The following SNRNP40 variants were observed in gnomAD, a reference collection of about 807,000 sequenced individuals.
SNRNP40 encodes U5 small nuclear ribonucleoprotein 40 kDa protein.
Under a neutral mutation model 45.8 loss-of-function variants are expected in SNRNP40, and 21 were observed. The ratio of observed to expected loss-of-function variants is 0.46; its 90% CI spans 0.32 to 0.66. The LOEUF (loss-of-function observed/expected upper bound fraction) is 0.66, where lower values mean the gene tolerates loss of function less well. Among genes scored for constraint, SNRNP40 ranks in the 30% least tolerant of loss-of-function variants. The probability of loss-of-function intolerance (pLI) is 0.03; values close to 1 mark genes in which losing one functional copy is unlikely to be tolerated. For missense variants in SNRNP40, 344 were observed against 439.1 expected (o/e 0.78, Z 1.94); for synonymous variants, 142 against 163.8 (o/e 0.87, Z 1.01).
At chr1:31,291,878 T>A (rs1311545170) in intron 3 of SNRNP40, 35 bp downstream of exon 3, 3 of 1,337,526 alleles carry the variant, frequency 2.2e-6, no homozygotes, top group Non-Finnish European at 3.2e-6. Context: ...AGAATTAGTA[T>A]GAGAAGCTGT....
intron 5 of SNRNP40, among the ~76,000 whole-genome samples, chr1:31,275,791 A>T (rs1645970274): frequency 1.3e-5 from 2 of 152,238 alleles, no homozygotes; most frequent in Admixed American, 1.3e-4. Flanking sequence ...GAGCAAAAAT[A>T]AAGAAATAAT....
intron 2 of SNRNP40, 48 bp downstream of exon 2, chr1:31,293,171 C>G (rs1376907590): frequency 1.9e-6 from 3 of 1,603,984 alleles, no homozygotes; most frequent in South Asian, 2.2e-5. Flanking sequence ...AAAAAAAAAT[C>G]ACTATCTGGC....
intron 4 of SNRNP40, 131 bp downstream of exon 4, chr1:31,289,123 T>C (rs1341862854): frequency 8.5e-6 from 6 of 706,418 alleles, no homozygotes; most frequent in Non-Finnish European, 1.4e-5. Context: ...TGGGGAAAAA[T>C]TTCAAGTGTG....
intron 6 of SNRNP40, among the ~76,000 whole-genome samples, chr1:31,270,894 G>A (rs1419197828): frequency 6.6e-6 from 1 of 152,136 alleles, no homozygotes; most frequent in African/African-American, 2.4e-5. Flanking sequence ...AAGAGAAAGA[G>A]CAAGAGTGTG....
At chr1:31,281,955 T>C (rs1646019331) in intron 4 of SNRNP40, 1 of 152,618 alleles carries the variant, frequency 6.6e-6, no homozygotes, top group East Asian at 1.9e-4. Flanking sequence ...AAGCAGCAAA[T>C]TAACCAGCAA....
Position 31,293,271 on chromosome 1 carries a change from C to G in SNRNP40, c.219G>C (p.Lys73Asn). The change falls in exon 2 of 10, where the codon AAG (lysine) becomes AAC (asparagine). Residue 73 changes from lysine (K) to asparagine (N), a missense_variant. Lys to Asn is a moderately conservative substitution (Grantham distance 94). This residue lies in a region of SNRNP40 where 254 missense variants were observed against 380.2 expected (regional missense o/e 0.67). Transcript: ENST00000263694. ...CTAAGGTGGATCCGTTGGGGTGGAACTTGCAGCAGTAGACTTCCCCTTCAT... is the reference window on the plus strand; with the variant it reads ...CTAAGGTGGATCCGTTGGGGTGGAAGTTGCAGCAGTAGACTTCCCCTTCAT... ...SGHEGEVYCCKFHPNGSTLAS... is the reference protein window; with the variant it reads ...SGHEGEVYCCNFHPNGSTLAS... 1 of 1,614,126 alleles carries G rather than the reference C, an allele frequency of 6.2e-7. No individual in the cohort carries two copies. Among genetic ancestry groups the G allele is most frequent in the East Asian group, 2.2e-5 (1 of 44,886 alleles).
At position 31,289,234 on chromosome 1, in the gene SNRNP40, C is replaced by A. The variant is rs372961892; in HGVS notation, c.531+20G>T. On this transcript the variant is annotated intron_variant, in intron 4 of 9. Transcript: ENST00000263694. ...CATCACATCACCTCAGAAACTGGAA[C>A]ACGGAGAGACAATACCCACCTTAAC... 46 of 1,610,668 alleles carry A rather than the reference C, an allele frequency of 2.9e-5. No individual in the cohort carries two copies. Among genetic ancestry groups the A allele is most frequent in the Non-Finnish European group, 3.8e-5 (45 of 1,177,886 alleles).
At chr1:31,294,811 G>A (rs957275404) in intron 1 of SNRNP40, among the ~76,000 whole-genome samples, 6 of 151,642 alleles carry the variant, frequency 4.0e-5, no homozygotes, top group Non-Finnish European at 8.8e-5. Context: ...GCATGGTGGC[G>A]GGCGCCTGTA....
intron 6 of SNRNP40, among the ~76,000 whole-genome samples, chr1:31,270,824 G>A (rs1168367239): frequency 6.6e-6 from 1 of 152,142 alleles, no homozygotes; most frequent in Non-Finnish European, 1.5e-5. Context: ...AATCCAGCAA[G>A]TCACCTTACT....
rs1193162685 is a variant in SNRNP40, at chr1:31,289,362, A to T, written c.423T>A (p.Gly141=). The change falls in exon 4 of 10, where the codon GGT becomes GGA. Residue 141 remains glycine, a synonymous_variant. Transcript: ENST00000263694. The part of the protein sequence containing the change: ...KTVAVWDSET[G]ERVKRLKGHT... Reference sequence around the variant, plus strand: ...GTCCCTTTAGCCTTTTAACCCTCTCACCTGTTTCACTATCCCACACAGCCA... The same window carrying T: ...GTCCCTTTAGCCTTTTAACCCTCTCTCCTGTTTCACTATCCCACACAGCCA... 6.2e-7 allele frequency: 1 copy of T among 1,613,824 alleles called. No homozygotes were observed. The highest frequency in any genetic ancestry group is 8.5e-7 in the Non-Finnish European group (1 of 1,179,838).
At chr1:31,291,549 T>A (rs776155412) in intron 3 of SNRNP40, among the ~76,000 whole-genome samples, 3 of 152,132 alleles carry the variant, frequency 2.0e-5, no homozygotes, top group African/African-American at 7.2e-5. Flanking sequence ...CATGGAGGCG[T>A]GGGCTTGTGG....
intron 6 of SNRNP40, chr1:31,269,543 C>T (rs150868418): frequency 4.0e-6 from 2 of 503,152 alleles, no homozygotes; most frequent in Admixed American, 4.2e-5. Context: ...AGATATTTTG[C>T]AAGATTTCTC....
At chr1:31,262,984 AGAGT>A (rs1435340328) in intron 8 of SNRNP40, among the ~76,000 whole-genome samples, 2 of 150,686 alleles carry the variant, frequency 1.3e-5, no homozygotes, top group Non-Finnish European at 3.0e-5. Context: ...CCTGGGTGAC[AGAGT>A]GAGATCCTGT....
chr1:31,267,508 CAAG>C (rs1012684021), intron 8 of SNRNP40, among the ~76,000 whole-genome samples: 26 of 152,118 alleles, frequency 1.7e-4, no homozygotes, highest in Non-Finnish European at 3.5e-4. Context: ...GTATAAAACA[CAAG>C]AAGACATCCT....
At chr1:31,264,122 A>G (rs1416006179) in intron 8 of SNRNP40, among the ~76,000 whole-genome samples, 1 of 152,140 alleles carries the variant, frequency 6.6e-6, no homozygotes, top group Non-Finnish European at 1.5e-5. Context: ...TGATCATAAA[A>G]ATGGTACATT....
At chr1:31,269,524 AT>A (rs1226645477) in intron 6 of SNRNP40, 5 of 579,224 alleles carry the variant, frequency 8.6e-6, no homozygotes, top group Non-Finnish European at 1.3e-5. Context: ...TGTGATACTA[AT>A]TTCAAAAAGA....
chr1:31,289,768 T>C (rs1032740985), intron 3 of SNRNP40, among the ~76,000 whole-genome samples: 1 of 152,238 alleles, frequency 6.6e-6, no homozygotes, highest in Non-Finnish European at 1.5e-5. Flanking sequence ...AATAACTCCC[T>C]GGTGCTGCAG....
intron 8 of SNRNP40, among the ~76,000 whole-genome samples, chr1:31,262,785 C>A (rs1351438452): frequency 6.6e-6 from 1 of 151,690 alleles, no homozygotes; most frequent in Non-Finnish European, 1.5e-5. Context: ...TTTGGGGGGC[C>A]AAGGCTTGAG....
intron 4 of SNRNP40, among the ~76,000 whole-genome samples, chr1:31,289,024 C>T (rs1362223385): frequency 6.6e-6 from 1 of 152,226 alleles, no homozygotes; most frequent in Admixed American, 6.5e-5. Context: ...AGCCACAGCA[C>T]CCGGCCTATT....
Sources: gnomAD v4.1 joint callset for allele counts (sites outside exome capture counted in the v4.1 genomes callset) on GRCh38, gnomAD v4.1.1 for gene constraint, gnomAD v4.1.1 regional missense constraint, MANE v1.5 for transcripts, NCBI Gene and HGNC (gene_info 2026-07-23, HGNC 2026-07-21) for gene names.